Variants in LOC128462377 observed in about 807,000 individuals in gnomAD.
the LOC128462377 span, among the ~76,000 whole-genome samples, chr16:89,331,575 G>T: frequency 6.6e-6 from 1 of 152,162 alleles, no homozygotes; most frequent in Non-Finnish European, 1.5e-5. Flanking sequence ...TGGGTGTGTG[G>T]TGACACTGAG....
the LOC128462377 span, among the ~76,000 whole-genome samples, chr16:89,376,330 T>C: frequency 6.6e-6 from 1 of 152,178 alleles, no homozygotes; most frequent in Non-Finnish European, 1.5e-5. Context: ...GCTTTAACAA[T>C]GTCAAGATAA....
At chr16:89,379,695 G>A in the LOC128462377 span, among the ~76,000 whole-genome samples, 4 of 152,214 alleles carry the variant, frequency 2.6e-5, no homozygotes, top group Admixed American at 6.5e-5. Flanking sequence ...CAAGCAGCAC[G>A]GAAGAGCTCC....
At chr16:89,387,721 G>A in the LOC128462377 span, among the ~76,000 whole-genome samples, 1 of 145,382 alleles carries the variant, frequency 6.9e-6, no homozygotes, top group East Asian at 2.1e-4. Context: ...GACTGTGCTT[G>A]GCCGGGCACG....
chr16:89,380,006 C>G, the LOC128462377 span, among the ~76,000 whole-genome samples: 1 of 152,346 alleles, frequency 6.6e-6, no homozygotes, highest in East Asian at 1.9e-4. Context: ...ACCCCTCAAG[C>G]TTCAGTCCAG....
the LOC128462377 span, among the ~76,000 whole-genome samples, chr16:89,375,584 C>A: frequency 6.6e-6 from 1 of 151,896 alleles, no homozygotes; most frequent in Non-Finnish European, 1.5e-5. Context: ...CTCAGCCTCC[C>A]GAGTGATTAC....
At chr16:89,374,587 C>T in the LOC128462377 span, among the ~76,000 whole-genome samples, 1 of 152,208 alleles carries the variant, frequency 6.6e-6, no homozygotes, top group Non-Finnish European at 1.5e-5. Context: ...CAGGATGCGC[C>T]ATCTACAGAG....
the LOC128462377 span, among the ~76,000 whole-genome samples, chr16:89,352,194 ATCT>A: frequency 1.3e-5 from 2 of 152,154 alleles, no homozygotes; most frequent in African/African-American, 4.8e-5. Flanking sequence ...CTGGCCGATT[ATCT>A]TCTTTGAAAA....
At chr16:89,417,435 C>A in the LOC128462377 span, among the ~76,000 whole-genome samples, 1 of 152,198 alleles carries the variant, frequency 6.6e-6, no homozygotes, top group Non-Finnish European at 1.5e-5. Context: ...CCATGCGTCT[C>A]TGGAAGGAGG....
At chr16:89,318,773 C>G in the LOC128462377 span, among the ~76,000 whole-genome samples, 4 of 152,200 alleles carry the variant, frequency 2.6e-5, no homozygotes, top group African/African-American at 9.7e-5. Flanking sequence ...GGTACAAGAA[C>G]ACAGGTGAAG....
the LOC128462377 span, among the ~76,000 whole-genome samples, chr16:89,415,829 C>CAAAAAAAAAAAAAAAAAAAAAAAAAAA: frequency 4.2e-3 from 168 of 39,712 alleles, 17 homozygotes; most frequent in East Asian, 6.3e-3. Context: ...GACTCTGTCT[C>CAAAAAAAAAAAAAAAAAAAAAAAAAAA]AAAAAAAAAA....
At chr16:89,335,939 C>T in the LOC128462377 span, among the ~76,000 whole-genome samples, 1 of 152,204 alleles carries the variant, frequency 6.6e-6, no homozygotes, top group African/African-American at 2.4e-5. Flanking sequence ...AGGCATCCGC[C>T]GCAAACATGA....
the LOC128462377 span, among the ~76,000 whole-genome samples, chr16:89,354,320 TCTCA>T: frequency 7.9e-5 from 12 of 152,038 alleles, no homozygotes; most frequent in Non-Finnish European, 1.8e-4. Flanking sequence ...TCCTTTTCCT[TCTCA>T]CTGTCAATCT....
the LOC128462377 span, among the ~76,000 whole-genome samples, chr16:89,338,424 TA>T: frequency 0.51 from 64,453 of 126,952 alleles, 15,744 homozygotes; most frequent in Middle Eastern, 0.61. Flanking sequence ...TACACTCTGT[TA>T]AAAAAAAAAA....
At chr16:89,318,088 AGC>A in the LOC128462377 span, among the ~76,000 whole-genome samples, 1 of 152,180 alleles carries the variant, frequency 6.6e-6, no homozygotes, top group Non-Finnish European at 1.5e-5. Flanking sequence ...GCCTTCCCCG[AGC>A]CCCTGCTTCC....
chr16:89,395,786 A>G, the LOC128462377 span: 1 of 152,216 alleles, frequency 6.6e-6, no homozygotes, highest in Non-Finnish European at 1.5e-5. Flanking sequence ...CCTGCTTAAT[A>G]ACAATGCCTT....
At chr16:89,328,952 C>G in the LOC128462377 span, 1 of 137,496 alleles carries the variant, frequency 7.3e-6, no homozygotes, top group Non-Finnish European at 1.5e-5. Context: ...CCCAGGAGCA[C>G]GGGCGAAATC....
the LOC128462377 span, among the ~76,000 whole-genome samples, chr16:89,321,500 G>A: frequency 6.6e-6 from 1 of 151,870 alleles, no homozygotes; most frequent in Admixed American, 6.6e-5. Flanking sequence ...CCGCAGCTGC[G>A]GGGCAGGGGC....
At chr16:89,413,172 A>T in the LOC128462377 span, among the ~76,000 whole-genome samples, 1 of 152,370 alleles carries the variant, frequency 6.6e-6, no homozygotes, top group South Asian at 2.1e-4. Flanking sequence ...TGCAGTTTAA[A>T]GATGCCTAGC....
chr16:89,391,227 CAA>C, the LOC128462377 span, among the ~76,000 whole-genome samples: 419 of 95,258 alleles, frequency 4.4e-3, no homozygotes, highest in African/African-American at 0.011. Context: ...GACTCTGTCT[CAA>C]AAAAAAAAAA....
Sources: gnomAD v4.1 joint callset for allele counts (sites outside exome capture counted in the v4.1 genomes callset) on GRCh38, gnomAD v4.1.1 for gene constraint, MANE v1.5 for transcripts.